Variants in RIPOR2 observed in about 807,000 individuals in gnomAD.
RIPOR2 encodes RHO family interacting cell polarization regulator 2.
RIPOR2 carries 39 observed loss-of-function variants against 114.5 expected under a neutral mutation model. The observed-to-expected ratio is 0.34, with a 90% CI of 0.26 to 0.44. The LOEUF (loss-of-function observed/expected upper bound fraction) is 0.44, where lower values mean the gene tolerates loss of function less well. Ranked by LOEUF, RIPOR2 falls within the 20% of genes least tolerant of loss-of-function variation. The probability of loss-of-function intolerance (pLI) is 1.00; values close to 1 mark genes in which losing one functional copy is unlikely to be tolerated. For missense variants in RIPOR2, 1,007 were observed against 1,255.1 expected, an observed-to-expected ratio of 0.80 and a Z score of 2.99; for synonymous variants, 445 against 484.4, an observed-to-expected ratio of 0.92 and a Z score of 1.07.
intron 3 of RIPOR2, 119 bp downstream of exon 3, chr6:24,873,525 G>A: frequency 2.3e-6 from 2 of 878,032 alleles, no homozygotes; most frequent in Non-Finnish European, 3.6e-6. Context: ...CCTAATTGTG[G>A]TACAAGAATA....
At chr6:25,029,411 G>GAAA (rs71544610) in intron 1 of RIPOR2, among the ~76,000 whole-genome samples, 4,075 of 90,506 alleles carry the variant, frequency 0.045, 213 homozygotes, top group Middle Eastern at 0.082. Flanking sequence ...TCTCAAAAAA[G>GAAA]AAAAAAAAAA....
At chr6:24,825,517 G>T in intron 18 of RIPOR2, 89 bp from the exon 19 acceptor site, 1 of 920,972 alleles carries the variant, frequency 1.1e-6, no homozygotes. Flanking sequence ...AAGTACATAA[G>T]AAAGTATAGT....
At chr6:24,968,048 G>A (rs1330987879) in intron 1 of RIPOR2, among the ~76,000 whole-genome samples, 1 of 151,894 alleles carries the variant, frequency 6.6e-6, no homozygotes, top group Non-Finnish European at 1.5e-5. Context: ...AAGTAGCTGG[G>A]ATTACAGGCA....
At chr6:24,934,004 G>T (rs993309231) in intron 1 of RIPOR2, among the ~76,000 whole-genome samples, 6 of 152,162 alleles carry the variant, frequency 3.9e-5, no homozygotes, top group African/African-American at 1.4e-4. Context: ...ATGGGGCCAC[G>T]CATAATCCAG....
At position 24,886,487 on chromosome 6, in the gene RIPOR2, A is replaced by G. The variant is rs112965878; in HGVS notation, c.62-10670T>C. ...AGGATCAGATGCTCCCTGTTTTGTC[A>G]TGAGTCTGTCCTTTAATCTGGGACA... On this transcript the variant is annotated intron_variant, in intron 1 of 21. Transcript: ENST00000643898. 6.4e-3 allele frequency among the ~76,000 whole-genome samples: 972 copies of G among 152,260 alleles called. 7 individuals are homozygous for G. Among genetic ancestry groups the G allele is most frequent in the African/African-American group, 0.022 (904 of 41,548 alleles).
intron 6 of RIPOR2, among the ~76,000 whole-genome samples, chr6:24,867,051 T>A (rs2113858017): frequency 6.6e-6 from 1 of 152,320 alleles, no homozygotes; most frequent in South Asian, 2.1e-4. Flanking sequence ...TCAATGACAC[T>A]TAGTTTAGAA....
chr6:24,989,212 T>C (rs1310114225), intron 1 of RIPOR2, among the ~76,000 whole-genome samples: 1 of 152,128 alleles, frequency 6.6e-6, no homozygotes. Context: ...TTCATGGATA[T>C]AATATCTTAA....
chr6:24,819,662 AT>A (rs35638159), intron 19 of RIPOR2, among the ~76,000 whole-genome samples: 54,760 of 103,312 alleles, frequency 0.53, 15,420 homozygotes, highest in Non-Finnish European at 0.63. Flanking sequence ...CGCCCAGCTA[AT>A]TTTTTTTTTT....
At chr6:25,034,445 A>G (rs1777144646) in intron 1 of RIPOR2, among the ~76,000 whole-genome samples, 2 of 152,156 alleles carry the variant, frequency 1.3e-5, no homozygotes, top group South Asian at 4.2e-4. Flanking sequence ...AATCTAGGCT[A>G]ACATATTTCA....
chr6:24,938,108 A>T (rs1376910128), upstream of RIPOR2, among the ~76,000 whole-genome samples: 2 of 152,194 alleles, frequency 1.3e-5, no homozygotes, highest in Non-Finnish European at 2.9e-5. Flanking sequence ...CTTACTTAGA[A>T]ACAGGGCCAT....
At chr6:24,982,497 A>C (rs1243306637) in intron 1 of RIPOR2, among the ~76,000 whole-genome samples, 2 of 152,224 alleles carry the variant, frequency 1.3e-5, no homozygotes, top group African/African-American at 4.8e-5. Context: ...TGCTAATTAC[A>C]TATTTCTGAG....
intron 14 of RIPOR2, among the ~76,000 whole-genome samples, chr6:24,837,714 G>A (rs2113705404): frequency 6.6e-6 from 1 of 152,264 alleles, no homozygotes; most frequent in African/African-American, 2.4e-5. Context: ...CTGGCCAAAT[G>A]TAGGATAATT....
chr6:24,977,602 A>G (rs1229859712), intron 1 of RIPOR2, among the ~76,000 whole-genome samples: 2 of 152,148 alleles, frequency 1.3e-5, no homozygotes, highest in African/African-American at 4.8e-5. Flanking sequence ...TCATGTAATA[A>G]ACATTTTCTA....
intron 1 of RIPOR2, among the ~76,000 whole-genome samples, chr6:24,930,397 T>C (rs1394192299): frequency 6.6e-6 from 1 of 152,216 alleles, no homozygotes; most frequent in Non-Finnish European, 1.5e-5. Context: ...ACATCTAAAA[T>C]GTTTTACTTG....
intron 1 of RIPOR2, among the ~76,000 whole-genome samples, chr6:24,922,540 C>T (rs1423716943): frequency 6.6e-6 from 1 of 151,572 alleles, no homozygotes; most frequent in Non-Finnish European, 1.5e-5. Flanking sequence ...TTTTTTGTAC[C>T]CATTCTGAAC....
chr6:25,003,137 T>C (rs961764771), intron 1 of RIPOR2, among the ~76,000 whole-genome samples: 3 of 152,326 alleles, frequency 2.0e-5, no homozygotes, highest in Non-Finnish European at 4.4e-5. Context: ...GAGAAAAGAT[T>C]GGTGAGTCAC....
chr6:24,847,541 C>T, intron 12 of RIPOR2: 1 of 1,551,428 alleles, frequency 6.4e-7, no homozygotes, highest in Non-Finnish European at 8.7e-7. Context: ...GCCACACTCA[C>T]ATAGAGCTCT....
intron 1 of RIPOR2, among the ~76,000 whole-genome samples, chr6:24,902,160 C>T (rs1768527721): frequency 6.6e-6 from 1 of 151,942 alleles, no homozygotes; most frequent in African/African-American, 2.4e-5. Flanking sequence ...GAATGTACTG[C>T]AGGTGTCAGA....
At position 24,809,702 on chromosome 6, in the gene RIPOR2, A is replaced by G; in HGVS notation, c.3043+15T>C. On this transcript the variant is annotated intron_variant, in intron 21 of 21. Transcript: ENST00000643898. ...AGAAGCAAACAATCATGTAAACAAC[A>G]ACAATAAAACTCACCCAGAGACAAG... The G allele has an allele frequency of 1.3e-6, 2 of 1,495,960 alleles. No individual in the cohort carries two copies. The highest frequency in any genetic ancestry group is 2.4e-5 in the South Asian group (2 of 82,972). 92.7% of individuals were successfully genotyped at this position (1,495,960 alleles called of 1,614,324 possible).
Sources: allele counts gnomAD v4.1 joint callset (sites outside exome capture counted in the v4.1 genomes callset), GRCh38; gene constraint gnomAD v4.1.1; transcripts MANE v1.5; gene names NCBI Gene and HGNC (gene_info 2026-07-23, HGNC 2026-07-21).